The following CREBBP variants were observed in gnomAD, a reference collection of about 807,000 sequenced individuals.
CREBBP encodes CREB binding lysine acetyltransferase, also known as CREB-binding protein.
CREBBP carries 19 observed loss-of-function variants against 265.0 expected under a neutral mutation model. The ratio of observed to expected loss-of-function variants is 0.07; its 90% CI spans 0.05 to 0.11. The LOEUF is 0.11. CREBBP is among the 10% of genes least tolerant of loss of function. The pLI, the probability that CREBBP is intolerant of heterozygous loss-of-function variation, is 1.00. For synonymous variants in CREBBP, 1,457 were observed against 1,223.7 expected (o/e 1.19, Z -3.98); for missense variants, 2,525 against 3,219.0 (o/e 0.78, Z 5.22).
Position 3,728,926 on chromosome 16 carries a change from A to C in CREBBP, c.6121T>G (p.Ser2041Ala), listed in dbSNP as rs758359901. Residue 2041 changes from serine (S) to alanine (A), a missense_variant, in exon 31 of 31, where the codon TCC becomes GCC. Ser to Ala is a moderately conservative substitution (Grantham distance 99). Coordinates refer to ENST00000262367, the MANE Select transcript of CREBBP (RefSeq NM_004380.3). The surrounding 1 kb of genome is among the most constrained non-coding windows in gnomAD (Gnocchi z 8.7). Reference protein sequence around the residue: ...PMPGLPRPVISMQAQAAVAGP... With the variant: ...PMPGLPRPVIAMQAQAAVAGP... ...GCCACGGCCGCCTGGGCCTGCATGG[A>C]TATCACAGGCCTGGGCAAGCCTGGC... The C allele has an allele frequency of 1.9e-6, 3 of 1,604,828 alleles. No individual in the cohort carries two copies. The South Asian group carries it at 3.3e-5, about 18-fold the overall frequency.
intron 1 of CREBBP, among the ~76,000 whole-genome samples, chr16:3,870,157 C>T (rs571751383): frequency 5.5e-4 from 83 of 151,846 alleles, no homozygotes; most frequent in African/African-American, 1.9e-3. Context: ...AAAAAAAAAT[C>T]ACACCAAATC....
chr16:3,832,812 T>C (rs1190005593), intron 2 of CREBBP, among the ~76,000 whole-genome samples: 2 of 151,926 alleles, frequency 1.3e-5, no homozygotes, highest in Non-Finnish European at 1.5e-5. Flanking sequence ...ATAAAAAAGA[T>C]AACACTCCAC....
chr16:3,841,595 A>G lies in CREBBP; in HGVS notation c.798+8702T>C, dbSNP rs1251095610. 2.6e-5 allele frequency among the ~76,000 whole-genome samples: 4 copies of G among 152,088 alleles called. No homozygotes were observed. In the East Asian group the frequency reaches 7.7e-4, roughly 29 times the overall value. ...GTTCGAGGCTGCAGGGAGCCATGAT[A>G]ACGCCACTGTACTCTAGCCTGGGTG... On this transcript the variant is annotated intron_variant, in intron 2 of 30. Coordinates refer to ENST00000262367, the MANE Select transcript of CREBBP (RefSeq NM_004380.3).
At chr16:3,851,907 G>A (rs1232595360) in intron 1 of CREBBP, among the ~76,000 whole-genome samples, 5 of 145,460 alleles carry the variant, frequency 3.4e-5, no homozygotes, top group African/African-American at 7.6e-5. Flanking sequence ...GCATGGTGGC[G>A]GGCGCCTGTA....
intron 8 of CREBBP, among the ~76,000 whole-genome samples, chr16:3,779,451 C>A (rs1183789099): frequency 6.6e-6 from 1 of 152,182 alleles, no homozygotes; most frequent in Non-Finnish European, 1.5e-5. Context: ...TGGAATTACA[C>A]GTGGGGGCCA....
intron 1 of CREBBP, among the ~76,000 whole-genome samples, chr16:3,862,477 C>T (rs1312834292): frequency 2.0e-5 from 3 of 152,080 alleles, no homozygotes; most frequent in East Asian, 1.9e-4. Flanking sequence ...TTTAATAAAC[C>T]GAATTGTCTT....
At chr16:3,773,073 G>A (rs992021481) in intron 13 of CREBBP, among the ~76,000 whole-genome samples, 3 of 151,998 alleles carry the variant, frequency 2.0e-5, no homozygotes, top group Non-Finnish European at 4.4e-5. Context: ...GCAACAAAAC[G>A]AGACCCTGTC....
intron 28 of CREBBP, among the ~76,000 whole-genome samples, chr16:3,732,651 C>T (rs1025901483): frequency 9.2e-5 from 14 of 152,096 alleles, no homozygotes; most frequent in African/African-American, 3.1e-4. Context: ...ATTCTCCTGC[C>T]TCAGCCTCCT....
At chr16:3,863,914 G>C (rs931565728) in intron 1 of CREBBP, among the ~76,000 whole-genome samples, 1 of 152,146 alleles carries the variant, frequency 6.6e-6, no homozygotes, top group Non-Finnish European at 1.5e-5. Context: ...TCTGGGACAG[G>C]GGAGCAAAAA....
chr16:3,879,092 A>G (rs1023594289), intron 1 of CREBBP, among the ~76,000 whole-genome samples: 1 of 152,158 alleles, frequency 6.6e-6, no homozygotes, highest in African/African-American at 2.4e-5. Context: ...TGCAGCCCAA[A>G]TGAACTTAAA....
At chr16:3,832,447 C>A (rs907713380) in intron 2 of CREBBP, among the ~76,000 whole-genome samples, 1 of 152,166 alleles carries the variant, frequency 6.6e-6, no homozygotes, top group African/African-American at 2.4e-5. Context: ...AGGACATCTT[C>A]TGAGAAAAGT....
chr16:3,824,747 C>T (rs994015524), intron 2 of CREBBP, among the ~76,000 whole-genome samples: 7 of 152,160 alleles, frequency 4.6e-5, no homozygotes, highest in African/African-American at 1.4e-4. Context: ...CCAAGCAGGC[C>T]GGTGCTTCCC....
At position 3,757,980 on chromosome 16, in the gene CREBBP, T is replaced by C; in HGVS notation, c.3438A>G (p.Gln1146=). The C allele has an allele frequency of 5.6e-6, 9 of 1,613,820 alleles. No individual in the cohort carries two copies. In the East Asian group the frequency reaches 1.3e-4, roughly 24 times the overall value. Residue 1146 remains glutamine (Q), a synonymous_variant, in exon 18 of 31, where the codon CAA becomes CAG. Transcript: ENST00000262367. Reference sequence around the variant, plus strand: ...CCACGTACTGCCAGGGCTCTTGGTATTGCCCTGTGTCCAGCTTCCGCTTGA... The same window carrying C: ...CCACGTACTGCCAGGGCTCTTGGTACTGCCCTGTGTCCAGCTTCCGCTTGA... ...STIKRKLDTG[Q]YQEPWQYVDD...
intron 23 of CREBBP, chr16:3,743,670 C>T (rs376869805): frequency 2.6e-4 from 39 of 152,328 alleles, no homozygotes; most frequent in African/African-American, 8.4e-4. Flanking sequence ...CTGGTTAACT[C>T]GGCAAAAGGC....
rs141982003 is a variant in CREBBP, at chr16:3,850,802, C to A, written c.293G>T (p.Gly98Val). Residue 98 changes from glycine (G) to valine (V), a missense_variant, in exon 2 of 31, where the codon GGC becomes GTC. Physicochemically the swap from Gly to Val is moderately radical, Grantham distance 109 (BLOSUM62 -3). This residue lies in a region of CREBBP where 356 missense variants were observed against 340.4 expected (regional missense o/e 1.05). Coordinates refer to ENST00000262367, the MANE Select transcript of CREBBP (RefSeq NM_004380.3). ...NVSASSPVQQ[G>V]LGGQAQGQPN... is the part of the protein sequence containing the mutation. ...CTGCCCTTGAGCCTGGCCACCCAGG[C>A]CCTGCTGCACGGGGCTGCTGGCGCT... is the stretch of plus-strand genomic sequence containing the variant. 624 of 1,614,108 alleles carry A rather than the reference C, an allele frequency of 3.9e-4. 2 individuals carry two copies. The African/African-American group carries it at 7.4e-3, about 19-fold the overall frequency.
In CREBBP at chr16:3,850,412, G is replaced by A. The variant is rs2141490144; in HGVS notation, c.683C>T (p.Thr228Ile). The A allele has an allele frequency of 6.2e-7, 1 of 1,614,254 alleles. No homozygotes were observed. The highest frequency in any genetic ancestry group is 2.2e-5 in the East Asian group (1 of 44,892). The change falls in exon 2 of 31, where the codon ACT becomes ATT. Residue 228 changes from threonine to isoleucine, a missense_variant. By Grantham distance (89) the Thr-to-Ile change is moderately conservative (BLOSUM62 -1). This residue lies in a region of CREBBP where 356 missense variants were observed against 340.4 expected (regional missense o/e 1.05). Coordinates refer to ENST00000262367, the MANE Select transcript of CREBBP (RefSeq NM_004380.3). Reference protein sequence around the residue: ...RGRGAGMPYPTPAMQGASSSV... With the variant: ...RGRGAGMPYPIPAMQGASSSV... ...GCTCGAGGCGCCCTGCATGGCTGGA[G>A]TAGGGTACGGCATTCCAGCTCCCCT... is the stretch of plus-strand genomic sequence containing the variant.
In CREBBP at chr16:3,736,439, G is replaced by C. The variant is rs914747705; in HGVS notation, c.4560+211C>G. 2.0e-5 allele frequency: 16 copies of C among 787,360 alleles called. No individual in the cohort carries two copies. In the African/African-American group the frequency reaches 2.7e-4, roughly 14 times the overall value. 48.8% of individuals were successfully genotyped at this position (787,360 alleles called of 1,614,324 possible). A position where few individuals can be genotyped will look rare whatever the true frequency, so the allele number is the denominator to read the frequency against. ...GCCCCAATGCCCACTGATGGAAACA[G>C]CTCCAACTGTGCTGCTCTCAGACGG... On this transcript the variant is annotated intron_variant, in intron 27 of 30. Coordinates refer to ENST00000262367, the MANE Select transcript of CREBBP (RefSeq NM_004380.3).
intron 1 of CREBBP, among the ~76,000 whole-genome samples, chr16:3,863,137 A>T (rs928568311): frequency 2.6e-5 from 4 of 152,224 alleles, no homozygotes; most frequent in African/African-American, 9.6e-5. Flanking sequence ...ACTTAATACA[A>T]TATTCAAGAG....
chr16:3,758,734 A>AT (rs1244351433), intron 17 of CREBBP, 120 bp downstream of exon 17: 1 of 829,152 alleles, frequency 1.2e-6, no homozygotes, highest in Non-Finnish European at 2.1e-6. Context: ...ACAGTTTTTT[A>AT]TATTAGGAGA....
Sources: allele counts gnomAD v4.1 joint callset (sites outside exome capture counted in the v4.1 genomes callset), GRCh38; gene constraint gnomAD v4.1.1; regional missense constraint gnomAD v4.1.1; non-coding constraint Gnocchi (gnomAD v3.1); transcripts MANE v1.5; gene names NCBI Gene and HGNC (gene_info 2026-07-23, HGNC 2026-07-21).